APBA2: variants seen among roughly 807,000 people sequenced by gnomAD.
APBA2 encodes amyloid-beta A4 precursor protein-binding family A member 2.
APBA2 carries 30 observed loss-of-function variants against 75.0 expected under a neutral mutation model. The ratio of observed to expected loss-of-function variants is 0.40; its 90% CI spans 0.30 to 0.54. The LOEUF (loss-of-function observed/expected upper bound fraction) is 0.54, where lower values mean the gene tolerates loss of function less well. Among genes scored for constraint, APBA2 ranks in the 20% least tolerant of loss-of-function variants. APBA2 has a pLI of 0.49. For missense variants in APBA2, 801 were observed against 1,016.1 expected (o/e 0.79, Z 2.88); for synonymous variants, 444 against 409.6 (o/e 1.08, Z -1.01).
At chr15:28,893,379 C>G (rs1294236268) in intron 1 of APBA2, among the ~76,000 whole-genome samples, 1 of 152,242 alleles carries the variant, frequency 6.6e-6, no homozygotes. Flanking sequence ...CCTCCAGCCT[C>G]TTACTGATTC....
chr15:28,902,102 G>A (rs924600141), intron 1 of APBA2, among the ~76,000 whole-genome samples: 1 of 151,946 alleles, frequency 6.6e-6, no homozygotes. Context: ...TTCCATCCTC[G>A]CTCCTCCAAT....
chr15:29,083,530 G>A (rs2043167247), intron 6 of APBA2, among the ~76,000 whole-genome samples: 1 of 151,872 alleles, frequency 6.6e-6, no homozygotes, highest in Non-Finnish European at 1.5e-5. Flanking sequence ...AAACTCTTTT[G>A]TTTGTTTTGT....
At chr15:29,102,108 A>G (rs998290197) in intron 10 of APBA2, 4 of 475,934 alleles carry the variant, frequency 8.4e-6, no homozygotes, top group African/African-American at 7.8e-5. Flanking sequence ...AACTTTTGTT[A>G]TTAAAATGCA....
At chr15:28,989,616 TC>T (rs936670430) in intron 2 of APBA2, among the ~76,000 whole-genome samples, 11 of 152,074 alleles carry the variant, frequency 7.2e-5, no homozygotes, top group African/African-American at 2.7e-4. Context: ...GAAAACGAAA[TC>T]CCATCCCCGC....
intron 3 of APBA2, among the ~76,000 whole-genome samples, chr15:29,009,574 AC>A (rs2039297273): frequency 6.6e-6 from 1 of 151,864 alleles, no homozygotes; most frequent in Non-Finnish European, 1.5e-5. Context: ...GCCATAACCC[AC>A]CCCCGACCAC....
chr15:28,960,380 C>T (rs1185522389), intron 2 of APBA2, among the ~76,000 whole-genome samples: 2 of 151,512 alleles, frequency 1.3e-5, no homozygotes, highest in Non-Finnish European at 2.9e-5. Flanking sequence ...GGAGGATTGC[C>T]TGAGCCTGAG....
chr15:28,911,767 A>G (rs1412604414), intron 1 of APBA2, among the ~76,000 whole-genome samples: 1 of 152,180 alleles, frequency 6.6e-6, no homozygotes, highest in African/African-American at 2.4e-5. Flanking sequence ...TTCTGATTCT[A>G]ATCAGAAGTG....
chr15:28,951,883 T>A (rs1172549151), intron 2 of APBA2, among the ~76,000 whole-genome samples: 5 of 120,216 alleles, frequency 4.2e-5, no homozygotes, highest in African/African-American at 1.4e-4. Flanking sequence ...CACTCAGCCT[T>A]TTTTTTTTTT....
At chr15:28,947,712 C>T (rs939001067) in intron 2 of APBA2, among the ~76,000 whole-genome samples, 7 of 152,288 alleles carry the variant, frequency 4.6e-5, no homozygotes, top group Middle Eastern at 3.4e-3. Context: ...GCCTTAAAAT[C>T]AGGAGGCCTC....
At chr15:29,048,575 G>C (rs2041452211) in intron 3 of APBA2, among the ~76,000 whole-genome samples, 1 of 152,180 alleles carries the variant, frequency 6.6e-6, no homozygotes, top group Non-Finnish European at 1.5e-5. Flanking sequence ...GCATGGTACT[G>C]TTGCTGGGCA....
At chr15:29,037,039 T>C (rs144073926) in intron 3 of APBA2, among the ~76,000 whole-genome samples, 96 of 151,564 alleles carry the variant, frequency 6.3e-4, no homozygotes, top group African/African-American at 2.2e-3. Context: ...AAAGAGAAAG[T>C]TTTGCATAAA....
rs377414354 is a variant in APBA2, at chr15:28,938,284, C to A, written c.-95+16535C>A. On this transcript the variant is annotated intron_variant, in intron 2 of 14. Coordinates refer to ENST00000683413, the MANE Select transcript of APBA2 (RefSeq NM_001353788.2). ...AAACCACATGGTATTTATGTCCCAA[C>A]AACTTGGAAGCCACATGAGAAATAA... Among the ~76,000 whole-genome samples, 292 of 152,238 alleles carry A rather than the reference C, an allele frequency of 1.9e-3. 1 individual carries two copies. The highest frequency in any genetic ancestry group is 3.3e-3 in the Non-Finnish European group (225 of 68,012).
intron 2 of APBA2, among the ~76,000 whole-genome samples, chr15:28,938,155 T>C (rs1388432612): frequency 6.6e-6 from 1 of 152,156 alleles, no homozygotes; most frequent in African/African-American, 2.4e-5. Context: ...GAGCAGAGAT[T>C]GCCAAACTTT....
chr15:28,969,291 C>G (rs111996241), intron 2 of APBA2, among the ~76,000 whole-genome samples: 5,039 of 152,098 alleles, frequency 0.033, 297 homozygotes, highest in African/African-American at 0.12. Flanking sequence ...AGCGATTCTC[C>G]TGCCTCAGCC....
intron 1 of APBA2, among the ~76,000 whole-genome samples, chr15:28,913,912 C>G (rs1390642711): frequency 1.3e-5 from 2 of 152,146 alleles, no homozygotes; most frequent in Non-Finnish European, 2.9e-5. Flanking sequence ...GCCTCCTGTC[C>G]TGGGCTGCAG....
intron 1 of APBA2, among the ~76,000 whole-genome samples, chr15:28,909,962 G>C (rs1010179615): frequency 2.0e-5 from 3 of 152,142 alleles, no homozygotes; most frequent in East Asian, 3.9e-4. Flanking sequence ...TACCAGAGCC[G>C]GGGAGGTCGT....
intron 1 of APBA2, among the ~76,000 whole-genome samples, chr15:28,917,425 C>T (rs2033736036): frequency 6.6e-6 from 1 of 152,176 alleles, no homozygotes; most frequent in African/African-American, 2.4e-5. Context: ...TTCCCTTTAC[C>T]CATTGGCCGT....
At chr15:28,901,227 T>C (rs1423195397) in intron 1 of APBA2, among the ~76,000 whole-genome samples, 1 of 152,184 alleles carries the variant, frequency 6.6e-6, no homozygotes, top group African/African-American at 2.4e-5. Flanking sequence ...TCATCAGCCA[T>C]CACCGTGGCC....
chr15:29,107,416 G>T (rs920999075), intron 12 of APBA2, among the ~76,000 whole-genome samples: 2 of 152,168 alleles, frequency 1.3e-5, no homozygotes, highest in African/African-American at 2.4e-5. Flanking sequence ...TGCTGCTGGC[G>T]GCTCTTGTGA....
Sources: allele counts gnomAD v4.1 joint callset (sites outside exome capture counted in the v4.1 genomes callset), GRCh38; gene constraint gnomAD v4.1.1; transcripts MANE v1.5; gene names NCBI Gene and HGNC (gene_info 2026-07-23, HGNC 2026-07-21).